LRFN5: variants seen among roughly 807,000 people sequenced by gnomAD.
The protein encoded by LRFN5 is leucine-rich repeat and fibronectin type-III domain-containing protein 5.
A neutral mutation model predicts 45.6 loss-of-function variants in LRFN5; 24 were observed. The ratio of observed to expected loss-of-function variants is 0.53; its 90% CI spans 0.38 to 0.74. LRFN5 has a LOEUF of 0.74. Ranked by LOEUF, LRFN5 falls within the 30% of genes least tolerant of loss-of-function variation. The pLI, the probability that LRFN5 is intolerant of heterozygous loss-of-function variation, is 0.00. For missense variants in LRFN5, 776 were observed against 861.5 expected (o/e 0.90, Z 1.24); for synonymous variants, 340 against 313.8 (o/e 1.08, Z -0.88).
intron 2 of LRFN5, among the ~76,000 whole-genome samples, chr14:41,799,158 G>T (rs1365098031): frequency 6.6e-6 from 1 of 151,976 alleles, no homozygotes; most frequent in Non-Finnish European, 1.5e-5. Context: ...TAGCTCACGG[G>T]TAAGTGCATA....
In LRFN5 at chr14:41,769,595, C is replaced by G. The variant is rs189650668; in HGVS notation, c.-21+2566C>G. Among the ~76,000 whole-genome samples, 11 of 152,030 alleles carry G rather than the reference C, an allele frequency of 7.2e-5. No homozygotes were observed. In the East Asian group the frequency reaches 1.9e-3, roughly 27 times the overall value. On this transcript the variant is annotated intron_variant, in intron 2 of 5. Transcript: ENST00000298119. ...AGATAATTTATTGTACACACAATGA[C>G]GATAATTATTTTACAAAGCTAATAT... is the stretch of plus-strand genomic sequence containing the variant.
intron 2 of LRFN5, among the ~76,000 whole-genome samples, chr14:41,769,013 C>T (rs1242081052): frequency 6.6e-6 from 1 of 151,722 alleles, no homozygotes; most frequent in African/African-American, 2.4e-5. Context: ...AGAAGTAGTA[C>T]CTCATGTTCT....
intron 2 of LRFN5, among the ~76,000 whole-genome samples, chr14:41,844,330 G>C (rs1044118670): frequency 6.6e-6 from 1 of 151,730 alleles, no homozygotes; most frequent in Non-Finnish European, 1.5e-5. Context: ...CCAGCTACTC[G>C]GGAGGCTGAG....
chr14:41,677,541 A>G (rs1189780159), intron 1 of LRFN5, among the ~76,000 whole-genome samples: 1 of 152,182 alleles, frequency 6.6e-6, no homozygotes, highest in Non-Finnish European at 1.5e-5. Context: ...CAGAATATTA[A>G]TAAAGAGATG....
intron 2 of LRFN5, among the ~76,000 whole-genome samples, chr14:41,886,019 C>CAA (rs35648547): frequency 0.29 from 25,622 of 88,528 alleles, 4,553 homozygotes; most frequent in South Asian, 0.38. Context: ...AGGCTCGTCT[C>CAA]AAAAAAAAAA....
At chr14:41,855,047 G>C (rs887583488) in intron 2 of LRFN5, among the ~76,000 whole-genome samples, 2 of 152,148 alleles carry the variant, frequency 1.3e-5, no homozygotes, top group Non-Finnish European at 2.9e-5. Flanking sequence ...TAAACCCAGT[G>C]ATCTTAAAAG....
chr14:41,826,661 G>A (rs543563060), intron 2 of LRFN5, among the ~76,000 whole-genome samples: 4 of 152,172 alleles, frequency 2.6e-5, no homozygotes, highest in Admixed American at 2.6e-4. Flanking sequence ...AAATCATAAA[G>A]CAGTGTGGAT....
intron 2 of LRFN5, among the ~76,000 whole-genome samples, chr14:41,882,235 T>G (rs1330527161): frequency 6.6e-6 from 1 of 151,996 alleles, no homozygotes; most frequent in Non-Finnish European, 1.5e-5. Context: ...CCCTAGCATT[T>G]TTTTTTCTTT....
At chr14:41,620,090 T>G (rs140412978) in intron 1 of LRFN5, among the ~76,000 whole-genome samples, 4 of 152,246 alleles carry the variant, frequency 2.6e-5, no homozygotes, top group Admixed American at 6.5e-5. Flanking sequence ...CTTAGTAGAT[T>G]GTCAGCTTTG....
chr14:41,758,396 A>G (rs775671802), intron 1 of LRFN5, among the ~76,000 whole-genome samples: 3 of 152,218 alleles, frequency 2.0e-5, no homozygotes, highest in Non-Finnish European at 4.4e-5. Flanking sequence ...AACTACTTTC[A>G]AAGAAGTAAC....
At chr14:41,829,324 A>T (rs1888400399) in intron 2 of LRFN5, among the ~76,000 whole-genome samples, 1 of 152,028 alleles carries the variant, frequency 6.6e-6, no homozygotes, top group African/African-American at 2.4e-5. Flanking sequence ...TGTCAATATT[A>T]ACAAAAGAGC....
intron 2 of LRFN5, among the ~76,000 whole-genome samples, chr14:41,886,211 TA>T (rs1268365768): frequency 6.6e-6 from 1 of 152,140 alleles, no homozygotes; most frequent in Non-Finnish European, 1.5e-5. Flanking sequence ...TCTAATTTTT[TA>T]AATATCTTTA....
intron 2 of LRFN5, among the ~76,000 whole-genome samples, chr14:41,833,684 A>C (rs1175366498): frequency 6.6e-6 from 1 of 152,210 alleles, no homozygotes; most frequent in African/African-American, 2.4e-5. Context: ...GTGTGTATTC[A>C]GTATTGGCTT....
intron 1 of LRFN5, chr14:41,700,489 G>A (rs566092870): frequency 1.5e-4 from 23 of 152,136 alleles, no homozygotes; most frequent in Non-Finnish European, 2.9e-4. Flanking sequence ...GCATGAAGGA[G>A]AGAAGCTTTT....
intron 1 of LRFN5, among the ~76,000 whole-genome samples, chr14:41,727,012 C>T (rs80177233): frequency 0.042 from 6,334 of 152,114 alleles, 446 homozygotes; most frequent in African/African-American, 0.14. Flanking sequence ...GTCATAACAT[C>T]TTGGTGTTTT....
At chr14:41,711,024 A>ATAATTTGATG (rs1456464175) in intron 1 of LRFN5, among the ~76,000 whole-genome samples, 2 of 152,164 alleles carry the variant, frequency 1.3e-5, no homozygotes, top group African/African-American at 4.8e-5. Flanking sequence ...TAGATAATCA[A>ATAATTTGATG]TAATTTGATG....
chr14:41,898,972 A>G lies in LRFN5; in HGVS notation c.2142+12A>G, dbSNP rs555472063. ...TCCAGGAAACACAGGTGAGATTCTT[A>G]TTACCTATAACTTACTTCAACACTT... is the stretch of plus-strand genomic sequence containing the variant. On this transcript the variant is annotated intron_variant, in intron 5 of 5. Transcript: ENST00000298119. 1.9e-6 allele frequency: 3 copies of G among 1,604,874 alleles called. No homozygotes were observed. The South Asian group carries it at 3.3e-5, about 18-fold the overall frequency.
intron 1 of LRFN5, among the ~76,000 whole-genome samples, chr14:41,708,771 G>T (rs1160099093): frequency 6.6e-6 from 1 of 151,356 alleles, no homozygotes; most frequent in Non-Finnish European, 1.5e-5. Flanking sequence ...CTAGTAGCTA[G>T]ATACAAGATA....
intron 2 of LRFN5, among the ~76,000 whole-genome samples, chr14:41,842,599 T>A (rs990613990): frequency 6.6e-6 from 1 of 152,176 alleles, no homozygotes. Flanking sequence ...AATACACTGA[T>A]ACATTTATTT....
Sources: gnomAD v4.1 joint callset for allele counts (sites outside exome capture counted in the v4.1 genomes callset) on GRCh38, gnomAD v4.1.1 for gene constraint, MANE v1.5 for transcripts, NCBI Gene and HGNC (gene_info 2026-07-23, HGNC 2026-07-21) for gene names.